Variants in ATP6V1C2 observed in about 807,000 individuals in gnomAD.
ATP6V1C2 encodes the protein ATPase H+ transporting V1 subunit C2.
In ATP6V1C2, 45 loss-of-function variants were observed where a neutral mutation model predicts 56.8. The observed-to-expected ratio is 0.79, with a 90% CI of 0.62 to 1.02. ATP6V1C2 has a LOEUF of 1.02. Among genes scored for constraint, ATP6V1C2 ranks in the 50% least tolerant of loss-of-function variants. ATP6V1C2 has a pLI of 0.00. For missense variants in ATP6V1C2, 463 were observed against 519.7 expected (o/e 0.89, Z 1.06); for synonymous variants, 220 against 201.3 (o/e 1.09, Z -0.79).
At chr2:10,751,360 A>G (rs916203984) in intron 3 of ATP6V1C2, among the ~76,000 whole-genome samples, 2 of 152,176 alleles carry the variant, frequency 1.3e-5, no homozygotes, top group Non-Finnish European at 2.9e-5. Flanking sequence ...TCACAATGGT[A>G]TCAGGCACCA....
chr2:10,757,468 A>G (rs1231623245), intron 4 of ATP6V1C2: 2 of 398,444 alleles, frequency 5.0e-6, no homozygotes, highest in Admixed American at 4.4e-5. Context: ...TAGGTTATGC[A>G]TTGTTTGCTG....
chr2:10,743,758 G>GTGGA (rs1370417479), intron 3 of ATP6V1C2, among the ~76,000 whole-genome samples: 3 of 151,864 alleles, frequency 2.0e-5, no homozygotes, highest in African/African-American at 7.3e-5. Flanking sequence ...GCCGAGGTGG[G>GTGGA]TGGATCACTT....
chr2:10,740,588 A>G (rs1312938229), intron 3 of ATP6V1C2, among the ~76,000 whole-genome samples: 2 of 152,198 alleles, frequency 1.3e-5, no homozygotes, highest in East Asian at 3.9e-4. Context: ...GGGATTGCCC[A>G]GTGATTCCTA....
chr2:10,782,693 T>C (rs1665444988), intron 13 of ATP6V1C2, among the ~76,000 whole-genome samples: 2 of 151,892 alleles, frequency 1.3e-5, no homozygotes, highest in South Asian at 4.2e-4. Flanking sequence ...TAGCTGGGTA[T>C]GGTGGTGTGT....
intron 5 of ATP6V1C2, among the ~76,000 whole-genome samples, chr2:10,764,661 C>A (rs1664117850): frequency 6.6e-6 from 1 of 152,240 alleles, no homozygotes; most frequent in Non-Finnish European, 1.5e-5. Flanking sequence ...CTTGCTGCTC[C>A]ACTTCTTTTT....
Position 10,783,294 on chromosome 2 carries a change from C to T in ATP6V1C2, c.*31C>T, listed in dbSNP as rs951876956. 7 of 1,448,174 alleles carry T rather than the reference C, an allele frequency of 4.8e-6. No homozygotes were observed. Among genetic ancestry groups the T allele is most frequent in the East Asian group, 2.3e-5 (1 of 44,060 alleles). The allele number at this position is 1,448,174 out of a possible 1,614,324, so 89.7% of individuals were successfully genotyped here. A position where few individuals can be genotyped will look rare whatever the true frequency, so the allele number is the denominator to read the frequency against. On this transcript the variant is annotated 3_prime_UTR_variant, in exon 14 of 14. Transcript: ENST00000272238. The stretch of plus-strand genomic sequence containing the variant: ...CCAGCTGGCACCTCTGTCTCATGTT[C>T]GTGCAGATTATTACAGACACCTCTT...
chr2:10,772,556 A>G lies in ATP6V1C2; in HGVS notation c.584A>G (p.Gln195Arg). 6.2e-7 allele frequency: 1 copy of G among 1,614,026 alleles called. No individual in the cohort carries two copies. The highest frequency in any genetic ancestry group is 2.2e-5 in the East Asian group (1 of 44,868). Residue 195 changes from glutamine to arginine, a missense_variant, in exon 8 of 14, where the codon CAA becomes CGA. Transcript: ENST00000272238. ...LVIVPKPNYS[Q>R]WQKTYESLSD... ...TGTTCTTGCAGACCAAACTACTCAC[A>G]ATGGCAAAAAACCTACGAATCTCTC...
At chr2:10,758,319 C>G (rs1663672490) in intron 4 of ATP6V1C2, among the ~76,000 whole-genome samples, 2 of 152,162 alleles carry the variant, frequency 1.3e-5, no homozygotes, top group Admixed American at 1.3e-4. Context: ...AGTATCCATC[C>G]CCAGTCCCGA....
chr2:10,784,348 C>CTGTT lies in ATP6V1C2; in HGVS notation c.*1086_*1089dup, dbSNP rs1243179496. ...GAAGCTGGGAGACGACAGAAAGCCA[C>CTGTT]TGTTAGATCTGCAGAAGGGGACACC... On this transcript the variant is annotated 3_prime_UTR_variant, in exon 14 of 14. Coordinates refer to ENST00000272238, the MANE Select transcript of ATP6V1C2 (RefSeq NM_001039362.2). The CTGTT allele has an allele frequency of 5.0e-6, 8 of 1,601,250 alleles. No individual in the cohort carries two copies. Among genetic ancestry groups the CTGTT allele is most frequent in the Non-Finnish European group, 6.8e-6 (8 of 1,171,268 alleles).
Position 10,774,805 on chromosome 2 carries a change from A to G in ATP6V1C2, c.656A>G (p.Lys219Arg). 3.1e-6 allele frequency: 5 copies of G among 1,614,158 alleles called. No homozygotes were observed. The highest frequency in any genetic ancestry group is 4.2e-6 in the Non-Finnish European group (5 of 1,179,984). Residue 219 changes from lysine (K) to arginine (R), a missense_variant, in exon 9 of 14, where the codon AAG becomes AGG. Lys to Arg is a conservative substitution (Grantham distance 26). Transcript: ENST00000272238. ...PRSTKLITEDKEGGLFTVTLF... is the reference protein window; with the variant it reads ...PRSTKLITEDREGGLFTVTLF... ...TCCAACAGACTCATTACTGAGGACAAGGAAGGGGGCCTTTTCACTGTGACT... is the reference window on the plus strand; with the variant it reads ...TCCAACAGACTCATTACTGAGGACAGGGAAGGGGGCCTTTTCACTGTGACT...
chr2:10,758,055 C>T (rs1374660011), intron 4 of ATP6V1C2, among the ~76,000 whole-genome samples: 1 of 152,124 alleles, frequency 6.6e-6, no homozygotes, highest in African/African-American at 2.4e-5. Flanking sequence ...AAATGCCTTC[C>T]CAAATGCAGT....
At chr2:10,726,862 A>C (rs772204903) in intron 3 of ATP6V1C2, among the ~76,000 whole-genome samples, 5 of 152,142 alleles carry the variant, frequency 3.3e-5, no homozygotes, top group Non-Finnish European at 2.9e-5. Flanking sequence ...TTTCCCACCA[A>C]GCCTTTTTAA....
intron 3 of ATP6V1C2, among the ~76,000 whole-genome samples, chr2:10,748,692 A>G (rs1008604576): frequency 3.5e-4 from 53 of 152,174 alleles, no homozygotes; most frequent in African/African-American, 1.2e-3. Context: ...GCTAATTTCC[A>G]TGGGCCTTGG....
At position 10,784,483 on chromosome 2, in the gene ATP6V1C2, T is replaced by A; in HGVS notation, c.*1220T>A. The stretch of plus-strand genomic sequence containing the variant: ...CTACCCTGACCTTCGTACCTATGAT[T>A]ATACGGATGGAAAAGCTCAGAACTC... On this transcript the variant is annotated 3_prime_UTR_variant, in exon 14 of 14. Transcript: ENST00000272238. The A allele has an allele frequency of 3.5e-6, 2 of 572,292 alleles. No homozygotes were observed. Among genetic ancestry groups the A allele is most frequent in the South Asian group, 4.9e-5 (2 of 41,080 alleles). 35.5% of individuals were successfully genotyped at this position (572,292 alleles called of 1,614,324 possible). A position where few individuals can be genotyped will look rare whatever the true frequency, so the allele number is the denominator to read the frequency against.
intron 6 of ATP6V1C2, among the ~76,000 whole-genome samples, chr2:10,770,393 C>T (rs1248878642): frequency 1.3e-5 from 2 of 152,172 alleles, no homozygotes; most frequent in Non-Finnish European, 2.9e-5. Flanking sequence ...AGTGAAACTC[C>T]ATCTCAAACA....
At position 10,778,140 on chromosome 2, in the gene ATP6V1C2, C is replaced by T. The variant is rs149637558; in HGVS notation, c.963+418C>T. On this transcript the variant is annotated intron_variant, in intron 11 of 13. Transcript: ENST00000272238. ...GAGCTCCCAGGAAGACCTGCCACACCGGCATCAGTGGCTGCTGCTGTGGCC... is the reference window on the plus strand; with the variant it reads ...GAGCTCCCAGGAAGACCTGCCACACTGGCATCAGTGGCTGCTGCTGTGGCC... 5.1e-4 allele frequency among the ~76,000 whole-genome samples: 78 copies of T among 152,318 alleles called. No individual in the cohort carries two copies. In the East Asian group the frequency reaches 0.015, roughly 29 times the overall value.
intron 1 of ATP6V1C2, among the ~76,000 whole-genome samples, chr2:10,722,510 C>T (rs1225350383): frequency 2.6e-5 from 4 of 152,070 alleles, no homozygotes; most frequent in African/African-American, 9.7e-5. Context: ...TGTCCGCCTC[C>T]AGCTTACTGT....
At chr2:10,725,471 C>T (rs972457710) in intron 2 of ATP6V1C2, among the ~76,000 whole-genome samples, 3 of 150,432 alleles carry the variant, frequency 2.0e-5, no homozygotes, top group Non-Finnish European at 4.4e-5. Context: ...GGAAAAGCTG[C>T]CTCCTTCCCC....
At chr2:10,733,085 G>A (rs1662055676) in intron 3 of ATP6V1C2, among the ~76,000 whole-genome samples, 1 of 152,176 alleles carries the variant, frequency 6.6e-6, no homozygotes, top group South Asian at 2.1e-4. Flanking sequence ...AGGACTAGGT[G>A]TGGCAAGAAT....
Sources: gnomAD v4.1 joint callset for allele counts (sites outside exome capture counted in the v4.1 genomes callset) on GRCh38, gnomAD v4.1.1 for gene constraint, MANE v1.5 for transcripts, NCBI Gene and HGNC (gene_info 2026-07-23, HGNC 2026-07-21) for gene names.